The following GRIP1 variants were observed in gnomAD, a reference collection of about 807,000 sequenced individuals.
GRIP1 encodes the protein glutamate receptor interacting protein 1.
Under a neutral mutation model 129.9 loss-of-function variants are expected in GRIP1, and 45 were observed. That is an observed-to-expected ratio of 0.35 (90% CI 0.27 to 0.44). GRIP1 has a LOEUF of 0.44. Among genes scored for constraint, GRIP1 ranks in the 20% least tolerant of loss-of-function variants. The pLI is 1.00. For missense variants in GRIP1, 1,196 were observed against 1,396.8 expected (o/e 0.86, Z 2.29); for synonymous variants, 530 against 520.8 (o/e 1.02, Z -0.24).
At chr12:66,779,270 A>T (rs1052245148) in intron 1 of GRIP1, among the ~76,000 whole-genome samples, 2 of 152,198 alleles carry the variant, frequency 1.3e-5, no homozygotes, top group African/African-American at 4.8e-5. Context: ...CAGAATAATA[A>T]GAACCTCTTG....
intron 7 of GRIP1, among the ~76,000 whole-genome samples, chr12:66,484,810 G>T (rs11176224): frequency 0.043 from 6,582 of 152,212 alleles, 363 homozygotes; most frequent in African/African-American, 0.12. Context: ...TATTTCAAAA[G>T]AGCCAGAAGA....
chr12:66,930,396 G>T (rs966051571), intron 1 of GRIP1, among the ~76,000 whole-genome samples: 10 of 150,632 alleles, frequency 6.6e-5, no homozygotes, highest in African/African-American at 2.2e-4. Flanking sequence ...TGAGAATGGT[G>T]ATTTCCAATT....
At chr12:66,477,790 A>T (rs1002513068) in intron 7 of GRIP1, among the ~76,000 whole-genome samples, 2 of 144,076 alleles carry the variant, frequency 1.4e-5, no homozygotes, top group African/African-American at 2.5e-5. Flanking sequence ...AGGATTCCCT[A>T]TTTAACAAAT....
At chr12:66,472,927 G>C (rs1303783769) in intron 7 of GRIP1, among the ~76,000 whole-genome samples, 1 of 152,190 alleles carries the variant, frequency 6.6e-6, no homozygotes, top group Non-Finnish European at 1.5e-5. Flanking sequence ...GCTAGCTACA[G>C]AAGTTTTTTT....
intron 9 of GRIP1, among the ~76,000 whole-genome samples, chr12:66,458,680 G>T (rs11176196): frequency 2.0e-5 from 3 of 152,010 alleles, no homozygotes; most frequent in Non-Finnish European, 2.9e-5. Context: ...CCACTGCGCC[G>T]GGCCTGAATA....
chr12:66,438,474 C>T (rs1369847481), intron 13 of GRIP1, among the ~76,000 whole-genome samples: 1 of 151,818 alleles, frequency 6.6e-6, no homozygotes, highest in African/African-American at 2.4e-5. Context: ...TGCTCTCTAC[C>T]CATTCGTTCA....
At chr12:66,516,912 C>T (rs1342911502) in intron 6 of GRIP1, among the ~76,000 whole-genome samples, 4 of 152,178 alleles carry the variant, frequency 2.6e-5, no homozygotes, top group African/African-American at 9.7e-5. Flanking sequence ...CTTTGACTTA[C>T]TCACTGCCAT....
chr12:66,865,405 G>A lies in GRIP1; in HGVS notation c.58+203645C>T, dbSNP rs140198137. ...TTTTTCTTTAGACAATGAGGAAAACGCTTTCCTTAAGAGTAAGAAGCCAAT... is the reference window on the plus strand; with the variant it reads ...TTTTTCTTTAGACAATGAGGAAAACACTTTCCTTAAGAGTAAGAAGCCAAT... On this transcript the variant is annotated intron_variant, in intron 1 of 1. Transcript: ENST00000643019. Among the ~76,000 whole-genome samples the A allele has an allele frequency of 1.3e-4, 20 of 151,048 alleles. No individual in the cohort carries two copies. In the Middle Eastern group the frequency reaches 0.01, roughly 79 times the overall value.
chr12:66,529,686 T>C (rs371685208), intron 5 of GRIP1, 145 bp downstream of exon 5: 4 of 668,848 alleles, frequency 6.0e-6, no homozygotes, highest in African/African-American at 5.3e-5. Context: ...GTTCAGTGTA[T>C]ACTGCTCGGG....
At chr12:66,428,233 C>A (rs2137920453) in intron 14 of GRIP1, among the ~76,000 whole-genome samples, 1 of 152,276 alleles carries the variant, frequency 6.6e-6, no homozygotes, top group Non-Finnish European at 1.5e-5. Context: ...ACTTTAATTG[C>A]AACCATATAC....
intron 1 of GRIP1, among the ~76,000 whole-genome samples, chr12:66,819,991 C>T (rs906647557): frequency 2.6e-5 from 4 of 152,204 alleles, no homozygotes; most frequent in Admixed American, 2.6e-4. Flanking sequence ...TCCAGGGAGA[C>T]TCAGTTATCT....
At chr12:66,790,094 T>C (rs2038482486) in intron 1 of GRIP1, among the ~76,000 whole-genome samples, 1 of 151,712 alleles carries the variant, frequency 6.6e-6, no homozygotes, top group Non-Finnish European at 1.5e-5. Context: ...TGTACTTAAA[T>C]TTATAATTCT....
chr12:66,977,130 G>T (rs1419280135), intron 1 of GRIP1, among the ~76,000 whole-genome samples: 1 of 151,430 alleles, frequency 6.6e-6, no homozygotes, highest in Non-Finnish European at 1.5e-5. Flanking sequence ...CATCAATTTT[G>T]GTGTAATTAT....
intron 13 of GRIP1, among the ~76,000 whole-genome samples, chr12:66,443,038 T>G (rs2058513635): frequency 6.6e-6 from 1 of 152,242 alleles, no homozygotes. Context: ...ATATCTTTAC[T>G]AATTGGTAAG....
chr12:66,546,471 T>C lies in GRIP1; in HGVS notation c.137-4521A>G, dbSNP rs963539471. Among the ~76,000 whole-genome samples the C allele has an allele frequency of 4.6e-5, 7 of 152,206 alleles. No homozygotes were observed. In the South Asian group the frequency reaches 1.0e-3, roughly 23 times the overall value. ...TGCCATTGCACTCCAGTCTGGGCGA[T>C]AGAGTGATACCCTGTATCAAAAATC... On this transcript the variant is annotated intron_variant, in intron 2 of 24. Coordinates refer to ENST00000359742, the MANE Select transcript of GRIP1 (RefSeq NM_001366722.1).
At chr12:66,566,475 T>C (rs1043635971) in intron 2 of GRIP1, among the ~76,000 whole-genome samples, 5 of 152,226 alleles carry the variant, frequency 3.3e-5, no homozygotes, top group Non-Finnish European at 5.9e-5. Context: ...GAAGCCCACT[T>C]GACCGTGGTG....
chr12:66,734,484 C>G (rs1284570320), intron 1 of GRIP1, among the ~76,000 whole-genome samples: 1 of 152,166 alleles, frequency 6.6e-6, no homozygotes, highest in African/African-American at 2.4e-5. Flanking sequence ...ACAGTAACAA[C>G]AGCTCAGATT....
intron 23 of GRIP1, among the ~76,000 whole-genome samples, chr12:66,362,033 T>C (rs555543866): frequency 3.9e-5 from 6 of 152,068 alleles, no homozygotes; most frequent in African/African-American, 1.2e-4. Context: ...ACTGTAGAAA[T>C]TGCCGATGCC....
rs150099041 is a variant in GRIP1 at position 67,002,471 on chromosome 12, T to C, written c.58+66579A>G. Among the ~76,000 whole-genome samples, 523 of 152,328 alleles carry C rather than the reference T, an allele frequency of 3.4e-3. 2 individuals carry two copies. The highest frequency in any genetic ancestry group is 0.012 in the African/African-American group (487 of 41,584). ...ATCAACTCACATTTATTCTGCAAAC[T>C]TCCTCAACTTCTCACAAAGGTTCTG... On this transcript the variant is annotated intron_variant, in intron 1 of 1. Transcript: ENST00000643019.
Sources: gnomAD v4.1 joint callset for allele counts (sites outside exome capture counted in the v4.1 genomes callset) on GRCh38, gnomAD v4.1.1 for gene constraint, MANE v1.5 for transcripts, NCBI Gene and HGNC (gene_info 2026-07-23, HGNC 2026-07-21) for gene names.